Variants in PSG9 observed in about 807,000 individuals in gnomAD.
PSG9 encodes the protein pregnancy-specific beta-1-glycoprotein 9.
Under a neutral mutation model 41.9 loss-of-function variants are expected in PSG9, and 49 were observed. The observed-to-expected ratio is 1.17, with a 90% CI of 0.93 to 1.48. The LOEUF (loss-of-function observed/expected upper bound fraction) is 1.48, where lower values mean the gene tolerates loss of function less well. Among genes scored for constraint, PSG9 ranks in the 40% most tolerant of loss-of-function variants. The probability of loss-of-function intolerance (pLI) is 0.00; values close to 1 mark genes in which losing one functional copy is unlikely to be tolerated. For synonymous variants in PSG9, 263 were observed against 196.8 expected, an observed-to-expected ratio of 1.34 and a Z score of -2.82; for missense variants, 641 against 520.3, an observed-to-expected ratio of 1.23 and a Z score of -2.26.
In PSG9 at chr19:43,262,120, T is replaced by G. The variant is rs139100681; in HGVS notation, c.449A>C (p.Tyr150Ser). ...GGGGTTTAAGTTGCTGCTGGAGATG[T>G]AGGGCTTGGGAGTCTCCACTGTGCA... is the stretch of plus-strand genomic sequence containing the variant. ...FTLYLETPKP[Y>S]ISSSNLNPRE... is the part of the protein sequence containing the mutation. The change falls in exon 3 of 6, where the codon TAC becomes TCC. Residue 150 changes from tyrosine to serine, a missense_variant. By Grantham distance (144) the Tyr-to-Ser change is moderately radical. Coordinates refer to ENST00000270077, the MANE Select transcript of PSG9 (RefSeq NM_002784.5). 1.0e-3 allele frequency: 1,624 copies of G among 1,613,806 alleles called. 11 individuals are homozygous for G. The highest frequency in any genetic ancestry group is 6.0e-4 in the East Asian group (27 of 44,876).
chr19:43,254,435 G>A (rs1465781701), intron 5 of PSG9, among the ~76,000 whole-genome samples: 9 of 146,286 alleles, frequency 6.2e-5, no homozygotes, highest in Non-Finnish European at 1.0e-4. Flanking sequence ...TAAAACAATG[G>A]TAAGAAGAAA....
At chr19:43,264,703 C>T (rs1249230193) in intron 2 of PSG9, among the ~76,000 whole-genome samples, 7 of 152,190 alleles carry the variant, frequency 4.6e-5, no homozygotes, top group Non-Finnish European at 7.4e-5. Flanking sequence ...GTGCCCGCCT[C>T]GGCCTCCCAA....
intron 2 of PSG9, among the ~76,000 whole-genome samples, chr19:43,264,331 C>T (rs1008248013): frequency 2.0e-5 from 3 of 152,070 alleles, no homozygotes; most frequent in African/African-American, 7.2e-5. Flanking sequence ...CTTTTTCTTC[C>T]CCACTTTTTT....
Position 43,258,201 on chromosome 19 carries a change from C to G in PSG9, c.1243+1G>C. The G allele has an allele frequency of 1.3e-6, 2 of 1,592,724 alleles. No individual in the cohort carries two copies. The highest frequency in any genetic ancestry group is 1.7e-6 in the Non-Finnish European group (2 of 1,174,490). ...TGCCAAGGATGCTGGGATCCACTTACCAGAGACTTTGACTGTCATGGATTT... is the reference window on the plus strand; with the variant it reads ...TGCCAAGGATGCTGGGATCCACTTAGCAGAGACTTTGACTGTCATGGATTT... On this transcript the variant is annotated splice_donor_variant, in intron 5 of 5. Transcript: ENST00000270077. LOFTEE classifies it high-confidence loss of function.
At chr19:43,260,511 C>T (rs927503861) in intron 3 of PSG9, 3 of 147,240 alleles carry the variant, frequency 2.0e-5, no homozygotes, top group Admixed American at 6.7e-5. Flanking sequence ...TTTCTCTCAC[C>T]ACTTTTCTAG....
intron 5 of PSG9, among the ~76,000 whole-genome samples, chr19:43,255,831 A>T (rs1025755390): frequency 3.4e-5 from 5 of 146,686 alleles, no homozygotes; most frequent in Middle Eastern, 6.9e-3. Flanking sequence ...AAATCTACAA[A>T]ATATTGCTGA....
intron 2 of PSG9, among the ~76,000 whole-genome samples, chr19:43,265,003 A>C (rs1968901120): frequency 5.3e-5 from 8 of 152,098 alleles, no homozygotes; most frequent in Admixed American, 4.6e-4. Flanking sequence ...TAGTCAGGGC[A>C]GAGATTACAC....
chr19:43,258,988 A>G lies in PSG9; in HGVS notation c.857T>C (p.Val286Ala), dbSNP rs1304620011. ...NGQSLPVSPG[V>A]KRPIENRILI... ...TATCCTGTTTTCAATGGGTCGCTTT[A>G]CCCCGGGACTGACGGGGAGGCTCTG... is the stretch of plus-strand genomic sequence containing the variant. The change falls in exon 4 of 6, where the codon GTA becomes GCA. Residue 286 changes from valine (V) to alanine (A), a missense_variant. Val to Ala is a moderately conservative substitution (Grantham distance 64, BLOSUM62 0). Transcript: ENST00000270077. 1.3e-6 allele frequency: 2 copies of G among 1,590,264 alleles called. No homozygotes were observed. The highest frequency in any genetic ancestry group is 2.8e-5 in the African/African-American group (2 of 70,432).
chr19:43,257,304 C>T, intron 5 of PSG9: 1 of 877,200 alleles, frequency 1.1e-6, no homozygotes, highest in Non-Finnish European at 1.4e-6. Flanking sequence ...AAATTGCACA[C>T]ATAGAAATAG....
At chr19:43,257,433 C>G (rs1055631444) in intron 5 of PSG9, 1 of 977,394 alleles carries the variant, frequency 1.0e-6, no homozygotes, top group African/African-American at 1.8e-5. Flanking sequence ...CGGTGAATCT[C>G]CCTATTCCTC....
At chr19:43,256,475 G>T (rs2122501364) in intron 5 of PSG9, among the ~76,000 whole-genome samples, 1 of 146,770 alleles carries the variant, frequency 6.8e-6, no homozygotes, top group African/African-American at 2.6e-5. Context: ...TACATGAAAA[G>T]CTACAAGTCA....
At position 43,258,576 on chromosome 19, in the gene PSG9, T is replaced by C. The variant is rs550299663; in HGVS notation, c.989-120A>G. On this transcript the variant is annotated intron_variant, in intron 4 of 5. Coordinates refer to ENST00000270077, the MANE Select transcript of PSG9 (RefSeq NM_002784.5). ...ACACACCCTCAAGTCCCAGCCAAAG[T>C]CCCTCTATGTTCACTGAGCTGAAGC... 38 of 1,420,098 alleles carry C rather than the reference T, an allele frequency of 2.7e-5. 3 individuals are homozygous for C. The highest frequency in any genetic ancestry group is 2.1e-4 in the Admixed American group (9 of 41,938). 88.0% of individuals were successfully genotyped at this position (1,420,098 alleles called of 1,614,324 possible).
Position 43,255,700 on chromosome 19 carries a change from A to G in PSG9, c.1244-2054T>C, listed in dbSNP as rs185313797. Among the ~76,000 whole-genome samples, 384 of 147,082 alleles carry G rather than the reference A, an allele frequency of 2.6e-3. 30 individuals carry two copies. Among genetic ancestry groups the G allele is most frequent in the Non-Finnish European group, 4.2e-3 (280 of 67,428 alleles). ...ACATTCAAACATCTGTTGTATTTCA[A>G]TACACTAACCATGAACAATCTGAAG... On this transcript the variant is annotated intron_variant, in intron 5 of 5. Coordinates refer to ENST00000270077, the MANE Select transcript of PSG9 (RefSeq NM_002784.5).
chr19:43,258,099 A>G (rs758826170), intron 5 of PSG9, 103 bp downstream of exon 5: 10 of 1,590,146 alleles, frequency 6.3e-6, no homozygotes, highest in Admixed American at 3.4e-5. Flanking sequence ...GCTTGTGCCC[A>G]TGGGACACAG....
At chr19:43,264,592 G>T (rs2122546347) in intron 2 of PSG9, among the ~76,000 whole-genome samples, 1 of 152,046 alleles carries the variant, frequency 6.6e-6, no homozygotes, top group Admixed American at 6.5e-5. Flanking sequence ...CAAGTAGGTG[G>T]GACTACAGGC....
At chr19:43,267,410 G>T (rs1599841603) in intron 2 of PSG9, among the ~76,000 whole-genome samples, 1 of 152,016 alleles carries the variant, frequency 6.6e-6, no homozygotes, top group Non-Finnish European at 1.5e-5. Flanking sequence ...GGCTTCTAGG[G>T]CTGAGCTTCT....
intron 5 of PSG9, among the ~76,000 whole-genome samples, chr19:43,255,312 T>C (rs1968409294): frequency 6.9e-6 from 1 of 145,970 alleles, no homozygotes. Flanking sequence ...ATTTGATGAA[T>C]TCAATATTTT....
chr19:43,269,442 G>C lies in PSG9; in HGVS notation c.-11C>G, dbSNP rs377122465. 318 of 1,613,472 alleles carry C rather than the reference G, an allele frequency of 2.0e-4. 2 individuals carry two copies. The African/African-American group carries it at 3.7e-3, about 19-fold the overall frequency. ...TGGGAGGGGCCCCATGGTCTCTGCT[G>C]CCTGTGTGTTCTCCTCTGTGGAGAT... On this transcript the variant is annotated 5_prime_UTR_variant, in exon 1 of 6. Transcript: ENST00000270077.
chr19:43,269,250 C>G (rs1457468709), intron 1 of PSG9, 118 bp downstream of exon 1: 6 of 1,535,802 alleles, frequency 3.9e-6, no homozygotes, highest in Non-Finnish European at 4.4e-6. Flanking sequence ...GTGATCCACC[C>G]ACCTCAGCCT....
Sources: allele counts gnomAD v4.1 joint callset (sites outside exome capture counted in the v4.1 genomes callset), GRCh38; gene constraint gnomAD v4.1.1; transcripts MANE v1.5; gene names NCBI Gene and HGNC (gene_info 2026-07-23, HGNC 2026-07-21).